The following ZFHX3 variants were observed in gnomAD, a reference collection of about 807,000 sequenced individuals.
ZFHX3 encodes zinc finger homeobox protein 3.
In ZFHX3, 42 loss-of-function variants were observed where a neutral mutation model predicts 279.1. The ratio of observed to expected loss-of-function variants is 0.15; its 90% confidence interval spans 0.12 to 0.19. ZFHX3 has a LOEUF of 0.19. Among genes scored for constraint, ZFHX3 ranks in the 10% least tolerant of loss-of-function variants. The probability of loss-of-function intolerance (pLI) is 1.00; values close to 1 mark genes in which losing one functional copy is unlikely to be tolerated. For missense variants in ZFHX3, 4,981 were observed against 4,754.0 expected (o/e 1.05, Z -1.40); for synonymous variants, 2,293 against 1,957.8 (o/e 1.17, Z -4.52).
chr16:73,264,431 C>A (rs2013909535), intron 4 of ZFHX3, among the ~76,000 whole-genome samples: 1 of 152,014 alleles, frequency 6.6e-6, no homozygotes, highest in African/African-American at 2.4e-5. Context: ...CAACTTTCCC[C>A]ACAACTGCCC....
intron 8 of ZFHX3, among the ~76,000 whole-genome samples, chr16:73,085,674 C>T (rs1209363426): frequency 2.0e-5 from 3 of 152,102 alleles, no homozygotes; most frequent in Admixed American, 6.6e-5. Context: ...CATAAATAAA[C>T]ATCAATCAAA....
At chr16:73,880,511 T>A (rs1338785908) in intron 1 of ZFHX3, among the ~76,000 whole-genome samples, 1 of 152,130 alleles carries the variant, frequency 6.6e-6, no homozygotes, top group Non-Finnish European at 1.5e-5. Context: ...GAGATTGGGA[T>A]AAAAGTAAGA....
intron 3 of ZFHX3, among the ~76,000 whole-genome samples, chr16:72,912,796 C>T (rs2039351114): frequency 6.6e-6 from 1 of 152,156 alleles, no homozygotes; most frequent in Non-Finnish European, 1.5e-5. Flanking sequence ...GCCATCTCAG[C>T]TCATTGCAAC....
At chr16:73,118,411 G>C (rs1215835608) in intron 7 of ZFHX3, among the ~76,000 whole-genome samples, 1 of 152,032 alleles carries the variant, frequency 6.6e-6, no homozygotes, top group Non-Finnish European at 1.5e-5. Context: ...GTTTCATCAT[G>C]TTGGCCAGGC....
chr16:73,715,336 C>A (rs975954580), intron 1 of ZFHX3, among the ~76,000 whole-genome samples: 3 of 152,146 alleles, frequency 2.0e-5, no homozygotes, highest in African/African-American at 7.2e-5. Context: ...TGAACAGACC[C>A]AGTTGACCGT....
chr16:73,525,088 A>C (rs2038358634), intron 2 of ZFHX3, among the ~76,000 whole-genome samples: 1 of 152,232 alleles, frequency 6.6e-6, no homozygotes, highest in African/African-American at 2.4e-5. Context: ...TTGCTCAATA[A>C]GGAGAAAGAG....
chr16:72,798,402 G>A lies in ZFHX3; in HGVS notation c.4280C>T (p.Ala1427Val). 5 of 1,614,236 alleles carry A rather than the reference G, an allele frequency of 3.1e-6. No homozygotes were observed. The highest frequency in any genetic ancestry group is 4.2e-6 in the Non-Finnish European group (5 of 1,180,046). Reference protein sequence around the residue: ...QLHSQYHVIRAATMCCLCQRS... With the variant: ...QLHSQYHVIRVATMCCLCQRS... ...CTGACAAAGACAGCACATGGTGGCA[G>A]CTCTGATCACATGGTACTGAGAATG... The change falls in exon 9 of 10, where the codon GCT (alanine) becomes GTT (valine). Residue 1427 changes from alanine to valine, a missense_variant. Physicochemically the swap from Ala to Val is moderately conservative, Grantham distance 64. Coordinates refer to ENST00000268489, the MANE Select transcript of ZFHX3 (RefSeq NM_006885.4).
At chr16:73,159,116 AG>A (rs988533439) in intron 5 of ZFHX3, among the ~76,000 whole-genome samples, 49 of 152,354 alleles carry the variant, frequency 3.2e-4, no homozygotes, top group African/African-American at 1.2e-3. Context: ...GCACAACAAA[AG>A]AAACTGTCAA....
At chr16:73,458,969 G>C (rs1437621319) in intron 2 of ZFHX3, among the ~76,000 whole-genome samples, 2 of 152,170 alleles carry the variant, frequency 1.3e-5, no homozygotes, top group African/African-American at 4.8e-5. Flanking sequence ...AATTACTGGA[G>C]TTAATGAAAC....
At chr16:73,090,900 G>T (rs1407010587) in intron 8 of ZFHX3, among the ~76,000 whole-genome samples, 2 of 102,068 alleles carry the variant, frequency 2.0e-5, no homozygotes, top group African/African-American at 1.0e-4. Context: ...GACAGAGTAA[G>T]ATCCCATATT....
At chr16:73,003,856 C>A (rs932125036) in intron 1 of ZFHX3, among the ~76,000 whole-genome samples, 1 of 151,708 alleles carries the variant, frequency 6.6e-6, no homozygotes, top group African/African-American at 2.4e-5. Flanking sequence ...TTTAAATAAA[C>A]CTTAAAGTTT....
chr16:73,848,485 G>A (rs886984094), intron 1 of ZFHX3, among the ~76,000 whole-genome samples: 2 of 152,084 alleles, frequency 1.3e-5, no homozygotes, highest in South Asian at 2.1e-4. Flanking sequence ...CCCCTCAAAC[G>A]CAATAGACCA....
intron 4 of ZFHX3, among the ~76,000 whole-genome samples, chr16:72,838,505 C>A (rs1388106955): frequency 6.6e-6 from 1 of 152,192 alleles, no homozygotes; most frequent in African/African-American, 2.4e-5. Context: ...GTGGCCAGGG[C>A]CTATTAAGGC....
intron 1 of ZFHX3, among the ~76,000 whole-genome samples, chr16:73,804,167 A>T (rs1299001578): frequency 2.6e-5 from 4 of 152,162 alleles, no homozygotes; most frequent in Admixed American, 6.5e-5. Flanking sequence ...AAAAACAAAA[A>T]CAAAAACAAA....
chr16:72,826,028 C>A (rs758921853), intron 5 of ZFHX3, among the ~76,000 whole-genome samples: 4 of 152,150 alleles, frequency 2.6e-5, no homozygotes, highest in Non-Finnish European at 4.4e-5. Context: ...AAGGCAGGCC[C>A]TATAATCTCA....
intron 1 of ZFHX3, among the ~76,000 whole-genome samples, chr16:73,796,170 G>T (rs898479053): frequency 6.6e-6 from 1 of 152,054 alleles, no homozygotes; most frequent in African/African-American, 2.4e-5. Flanking sequence ...TATTATTCAT[G>T]CTCAGAGAAA....
At chr16:73,856,035 T>C (rs779409962) in intron 1 of ZFHX3, among the ~76,000 whole-genome samples, 7 of 152,212 alleles carry the variant, frequency 4.6e-5, no homozygotes, top group Non-Finnish European at 7.4e-5. Context: ...AATCAGGTCA[T>C]AAACATGTAC....
intron 2 of ZFHX3, among the ~76,000 whole-genome samples, chr16:73,549,950 C>T (rs769925234): frequency 6.6e-6 from 1 of 151,780 alleles, no homozygotes; most frequent in African/African-American, 2.4e-5. Context: ...GGTCTCCTCA[C>T]TCCTGTCTTT....
At chr16:73,671,345 C>G (rs2052902012) in intron 2 of ZFHX3, among the ~76,000 whole-genome samples, 1 of 152,168 alleles carries the variant, frequency 6.6e-6, no homozygotes, top group Non-Finnish European at 1.5e-5. Context: ...AAGCCAGCAT[C>G]AGTGGCCTTC....
Sources: gnomAD v4.1 joint callset for allele counts (sites outside exome capture counted in the v4.1 genomes callset) on GRCh38, gnomAD v4.1.1 for gene constraint, MANE v1.5 for transcripts, NCBI Gene and HGNC (gene_info 2026-07-23, HGNC 2026-07-21) for gene names.